SYNPR: variants seen among roughly 807,000 people sequenced by gnomAD.
SYNPR encodes the protein synaptoporin.
In SYNPR, 23 loss-of-function variants were observed where a neutral mutation model predicts 32.9. That is an observed-to-expected ratio of 0.70 (90% CI 0.50 to 0.99). SYNPR has a LOEUF of 0.99. SYNPR is among the 50% of genes least tolerant of loss of function. The pLI, the probability that SYNPR is intolerant of heterozygous loss-of-function variation, is 0.00. For synonymous variants in SYNPR, 146 were observed against 135.9 expected (o/e 1.07, Z -0.52); for missense variants, 318 against 349.3 (o/e 0.91, Z 0.71).
At chr3:63,418,825 A>T (rs899806130) in intron 2 of SYNPR, among the ~76,000 whole-genome samples, 3 of 152,158 alleles carry the variant, frequency 2.0e-5, no homozygotes, top group Admixed American at 2.0e-4. Context: ...TCTAGATAAG[A>T]TTTGGGTGGG....
At chr3:63,537,394 G>T (rs149138121) in intron 3 of SYNPR, among the ~76,000 whole-genome samples, 7 of 152,050 alleles carry the variant, frequency 4.6e-5, no homozygotes, top group South Asian at 2.1e-4. Context: ...TGAATCCTTA[G>T]TTCAACGTTG....
intron 2 of SYNPR, among the ~76,000 whole-genome samples, chr3:63,313,484 T>A (rs2106956053): frequency 6.6e-6 from 1 of 151,340 alleles, no homozygotes; most frequent in South Asian, 2.1e-4. Context: ...CATTCCTGAG[T>A]TACTTCACTT....
intron 2 of SYNPR, among the ~76,000 whole-genome samples, chr3:63,424,015 A>G (rs1166187400): frequency 6.6e-6 from 1 of 152,228 alleles, no homozygotes; most frequent in Non-Finnish European, 1.5e-5. Context: ...GTCTAAAGAG[A>G]CATCATGAAT....
the SYNPR span, among the ~76,000 whole-genome samples, chr3:63,202,189 A>C: frequency 2.6e-5 from 4 of 152,230 alleles, no homozygotes; most frequent in African/African-American, 7.2e-5. Context: ...ATTTATGAGC[A>C]AAATGAGCAT....
intron 2 of SYNPR, among the ~76,000 whole-genome samples, chr3:63,299,277 G>A (rs918315773): frequency 6.6e-6 from 1 of 151,708 alleles, no homozygotes; most frequent in African/African-American, 2.4e-5. Flanking sequence ...CTAGAGAAGA[G>A]TTTTTTTTAG....
chr3:63,556,444 C>A, intron 3 of SYNPR, 99 bp from the exon 4 acceptor site: 1 of 1,080,124 alleles, frequency 9.3e-7, no homozygotes, highest in Non-Finnish European at 1.3e-6. Flanking sequence ...CTAAAACTCC[C>A]AGATCACATC....
At chr3:63,286,843 A>C (rs1313586807) in intron 2 of SYNPR, among the ~76,000 whole-genome samples, 2 of 152,190 alleles carry the variant, frequency 1.3e-5, no homozygotes, top group Non-Finnish European at 2.9e-5. Context: ...AGCATGAAAA[A>C]GTGTTTAGCA....
the SYNPR span, among the ~76,000 whole-genome samples, chr3:63,208,123 T>A: frequency 6.6e-6 from 1 of 152,188 alleles, no homozygotes; most frequent in African/African-American, 2.4e-5. Flanking sequence ...TTCCAGAATA[T>A]ACTTCTGAAA....
intron 2 of SYNPR, among the ~76,000 whole-genome samples, chr3:63,414,399 A>G (rs961692210): frequency 6.6e-6 from 1 of 152,156 alleles, no homozygotes; most frequent in African/African-American, 2.4e-5. Flanking sequence ...CTTGGTTCCA[A>G]GTGTATTGAA....
intron 2 of SYNPR, among the ~76,000 whole-genome samples, chr3:63,430,777 C>G (rs1186346610): frequency 2.0e-5 from 3 of 149,786 alleles, no homozygotes; most frequent in African/African-American, 7.4e-5. Flanking sequence ...TTTTTTTTTT[C>G]TTTCTGAAGA....
intron 2 of SYNPR, among the ~76,000 whole-genome samples, chr3:63,420,639 G>A (rs1699776622): frequency 6.6e-6 from 1 of 151,898 alleles, no homozygotes; most frequent in South Asian, 2.1e-4. Flanking sequence ...AGATCTAGGA[G>A]GAATTTCTTA....
chr3:63,264,244 TTCTA>T (rs1014649719), intron 2 of SYNPR, among the ~76,000 whole-genome samples: 1 of 152,108 alleles, frequency 6.6e-6, no homozygotes. Context: ...TAGGTAAAGA[TTCTA>T]TCTGATATTG....
At chr3:63,350,084 A>T (rs1264214516) in intron 2 of SYNPR, among the ~76,000 whole-genome samples, 1 of 152,152 alleles carries the variant, frequency 6.6e-6, no homozygotes, top group Non-Finnish European at 1.5e-5. Flanking sequence ...ATCTTACATT[A>T]TACTGTCTCA....
At position 63,513,444 on chromosome 3, in the gene SYNPR, G is replaced by T. The variant is rs144127244; in HGVS notation, c.209+32488G>T. 2.6e-5 allele frequency among the ~76,000 whole-genome samples: 4 copies of T among 152,092 alleles called. No individual in the cohort carries two copies. In the South Asian group the frequency reaches 8.3e-4, roughly 32 times the overall value. On this transcript the variant is annotated intron_variant, in intron 3 of 5. Coordinates refer to ENST00000478300, the MANE Select transcript of SYNPR (RefSeq NM_001130003.2). ...TAAAGATATTTACATATCAATTCAC[G>T]TAGATCCCACTTTGTCCTTTTTAAT...
At chr3:63,210,000 TCA>T in the SYNPR span, among the ~76,000 whole-genome samples, 40 of 152,262 alleles carry the variant, frequency 2.6e-4, no homozygotes, top group Middle Eastern at 6.8e-3. Context: ...TTAGAAAACC[TCA>T]CAGAGTCCAT....
the SYNPR span, among the ~76,000 whole-genome samples, chr3:63,209,350 A>ACAG: frequency 6.6e-6 from 1 of 151,830 alleles, no homozygotes; most frequent in Non-Finnish European, 1.5e-5. Flanking sequence ...GAAACAGTAA[A>ACAG]CAGTGAGTGA....
chr3:63,437,856 A>C (rs1423334103), intron 2 of SYNPR, among the ~76,000 whole-genome samples: 2 of 152,098 alleles, frequency 1.3e-5, no homozygotes, highest in Non-Finnish European at 2.9e-5. Flanking sequence ...ATTTCTTATT[A>C]TTAGCACCTC....
chr3:63,533,849 C>T (rs546405843), intron 3 of SYNPR, among the ~76,000 whole-genome samples: 1 of 152,260 alleles, frequency 6.6e-6, no homozygotes, highest in Admixed American at 6.5e-5. Flanking sequence ...AATGCAGTCT[C>T]TCCAAGAGAT....
intron 3 of SYNPR, among the ~76,000 whole-genome samples, chr3:63,524,835 G>GTGTGTGTGTGTGTGTGCA (rs1164590554): frequency 1.0e-4 from 14 of 134,026 alleles, no homozygotes; most frequent in Non-Finnish European, 2.1e-4. Flanking sequence ...GTGTGTGTGT[G>GTGTGTGTGTGTGTGTGCA]TGTGTGTGTG....
Sources: gnomAD v4.1 joint callset for allele counts (sites outside exome capture counted in the v4.1 genomes callset) on GRCh38, gnomAD v4.1.1 for gene constraint, MANE v1.5 for transcripts, NCBI Gene and HGNC (gene_info 2026-07-23, HGNC 2026-07-21) for gene names.